Variants in ST6GALNAC3 observed in about 807,000 individuals in gnomAD.
ST6GALNAC3 encodes the protein ST6 N-acetylgalactosaminide alpha-2,6-sialyltransferase 3.
In ST6GALNAC3, 25 loss-of-function variants were observed where a neutral mutation model predicts 32.7. The ratio of observed to expected loss-of-function variants is 0.76; its 90% CI spans 0.56 to 1.07. The LOEUF is 1.07. Among genes scored for constraint, ST6GALNAC3 ranks in the 50% least tolerant of loss-of-function variants. ST6GALNAC3 has a pLI of 0.00. For missense variants in ST6GALNAC3, 355 were observed against 382.4 expected, an observed-to-expected ratio of 0.93 and a Z score of 0.60; for synonymous variants, 129 against 133.1, an observed-to-expected ratio of 0.97 and a Z score of 0.21.
intron 3 of ST6GALNAC3, among the ~76,000 whole-genome samples, chr1:76,575,704 T>C (rs1212471117): frequency 3.9e-5 from 6 of 152,024 alleles, no homozygotes. Flanking sequence ...AAATGGTGTA[T>C]TTACCAATGA....
chr1:76,267,758 C>T (rs1214232274), intron 1 of ST6GALNAC3, among the ~76,000 whole-genome samples: 1 of 152,190 alleles, frequency 6.6e-6, no homozygotes, highest in Non-Finnish European at 1.5e-5. Flanking sequence ...TTAAAGTCAG[C>T]TCTTTGTGAA....
intron 3 of ST6GALNAC3, among the ~76,000 whole-genome samples, chr1:76,612,806 G>A (rs1648022049): frequency 6.6e-6 from 1 of 152,160 alleles, no homozygotes; most frequent in South Asian, 2.1e-4. Flanking sequence ...TCTGGTCAGG[G>A]CTACTTAAAG....
chr1:76,552,255 C>T (rs901603128), intron 3 of ST6GALNAC3, among the ~76,000 whole-genome samples: 10 of 152,154 alleles, frequency 6.6e-5, no homozygotes, highest in Non-Finnish European at 8.8e-5. Flanking sequence ...GCTAGGATTG[C>T]TGGAGTCTGT....
intron 2 of ST6GALNAC3, among the ~76,000 whole-genome samples, chr1:76,398,997 G>C (rs1401977979): frequency 6.6e-6 from 1 of 152,056 alleles, no homozygotes; most frequent in Non-Finnish European, 1.5e-5. Context: ...ACCTTTTCTT[G>C]TGTGTATTTG....
chr1:76,437,546 A>G (rs1656225366), intron 3 of ST6GALNAC3, among the ~76,000 whole-genome samples: 1 of 151,544 alleles, frequency 6.6e-6, no homozygotes, highest in Non-Finnish European at 1.5e-5. Flanking sequence ...TAGTACAGAA[A>G]AATAGCTATA....
intron 1 of ST6GALNAC3, among the ~76,000 whole-genome samples, chr1:76,312,954 T>A (rs555064110): frequency 6.6e-6 from 1 of 152,326 alleles, no homozygotes; most frequent in East Asian, 1.9e-4. Flanking sequence ...TTCAAAGACA[T>A]CTTTGCTTTC....
chr1:76,174,673 TTTC>T (rs1652738766), intron 1 of ST6GALNAC3, among the ~76,000 whole-genome samples: 1 of 150,098 alleles, frequency 6.7e-6, no homozygotes, highest in South Asian at 2.1e-4. Flanking sequence ...CTTTTTTTTT[TTTC>T]TTTTTTTTGA....
Position 76,414,972 on chromosome 1 carries a change from C to G in ST6GALNAC3, c.623+2555C>G, listed in dbSNP as rs553448247. 2.6e-5 allele frequency among the ~76,000 whole-genome samples: 4 copies of G among 151,934 alleles called. No individual in the cohort carries two copies. The South Asian group carries it at 6.2e-4, about 24-fold the overall frequency. On this transcript the variant is annotated intron_variant, in intron 3 of 4. Transcript: ENST00000328299. ...TACATAGCAATTGATTGATATGTGT[C>G]TTATATTTCTCCTAACCTATATAGA...
rs188482039 is a variant in ST6GALNAC3 at position 76,629,634 on chromosome 1, T to A, written c.*828T>A. On this transcript the variant is annotated 3_prime_UTR_variant, in exon 5 of 5. Transcript: ENST00000328299. ...TAAGATACCAACTTCAACACTGTAA[T>A]AACATATACTGTGAAAACATTCCTA... 7.8e-5 allele frequency: 77 copies of A among 985,054 alleles called. No homozygotes were observed. The African/African-American group carries it at 1.2e-3, about 15-fold the overall frequency. The allele number at this position is 985,054 out of a possible 1,614,324, so 61.0% of individuals were successfully genotyped here.
intron 3 of ST6GALNAC3, among the ~76,000 whole-genome samples, chr1:76,498,159 T>C (rs1293451492): frequency 6.6e-6 from 1 of 152,186 alleles, no homozygotes; most frequent in Non-Finnish European, 1.5e-5. Flanking sequence ...AGAATCCTGG[T>C]CTCTGTTTCA....
chr1:76,435,465 G>A (rs566853885), intron 3 of ST6GALNAC3, among the ~76,000 whole-genome samples: 24 of 152,168 alleles, frequency 1.6e-4, no homozygotes, highest in South Asian at 1.5e-3. Context: ...CTAGAGCAAA[G>A]GTTAAAGAAA....
intron 3 of ST6GALNAC3, among the ~76,000 whole-genome samples, chr1:76,451,519 G>A (rs934427823): frequency 6.6e-6 from 1 of 152,090 alleles, no homozygotes; most frequent in Admixed American, 6.6e-5. Context: ...TTTGGGTGGG[G>A]GCACATCCAA....
At chr1:76,141,216 C>A (rs1429848643) in intron 1 of ST6GALNAC3, among the ~76,000 whole-genome samples, 2 of 152,164 alleles carry the variant, frequency 1.3e-5, no homozygotes, top group Admixed American at 6.5e-5. Flanking sequence ...AGTTGCAGCA[C>A]CCTTCATGGC....
chr1:76,337,651 A>T (rs1647613614), intron 2 of ST6GALNAC3, among the ~76,000 whole-genome samples: 1 of 152,098 alleles, frequency 6.6e-6, no homozygotes, highest in South Asian at 2.1e-4. Flanking sequence ...CCCAGTCCAG[A>T]CCTATGGAAT....
At chr1:76,305,607 T>C (rs993457246) in intron 1 of ST6GALNAC3, among the ~76,000 whole-genome samples, 2 of 152,108 alleles carry the variant, frequency 1.3e-5, no homozygotes, top group South Asian at 2.1e-4. Flanking sequence ...AGAGCAAACA[T>C]GGACTACTTC....
chr1:76,391,657 C>T (rs1652576592), intron 2 of ST6GALNAC3, among the ~76,000 whole-genome samples: 1 of 151,550 alleles, frequency 6.6e-6, no homozygotes, highest in African/African-American at 2.4e-5. Flanking sequence ...ATTGACTCTA[C>T]TCACTTTCAT....
intron 1 of ST6GALNAC3, among the ~76,000 whole-genome samples, chr1:76,131,793 A>G (rs974259243): frequency 3.3e-5 from 5 of 152,138 alleles, no homozygotes; most frequent in Non-Finnish European, 5.9e-5. Context: ...CAATTCTGGA[A>G]GGAGGAAGAG....
At chr1:76,357,062 C>A (rs1337290649) in intron 2 of ST6GALNAC3, among the ~76,000 whole-genome samples, 2 of 150,784 alleles carry the variant, frequency 1.3e-5, no homozygotes, top group African/African-American at 4.9e-5. Flanking sequence ...AGTCTAAAGT[C>A]TTTAGCCTAA....
chr1:76,181,528 G>T (rs1167674122), intron 1 of ST6GALNAC3, among the ~76,000 whole-genome samples: 2 of 152,124 alleles, frequency 1.3e-5, no homozygotes, highest in Non-Finnish European at 2.9e-5. Flanking sequence ...ATTACATAGG[G>T]TTTGTGAAGA....
Sources: gnomAD v4.1 joint callset for allele counts (sites outside exome capture counted in the v4.1 genomes callset) on GRCh38, gnomAD v4.1.1 for gene constraint, MANE v1.5 for transcripts, NCBI Gene and HGNC (gene_info 2026-07-23, HGNC 2026-07-21) for gene names.